The following MFSD12 variants were observed in gnomAD, a reference collection of about 807,000 sequenced individuals.
MFSD12 encodes major facilitator superfamily domain containing 12.
MFSD12 carries 67 observed loss-of-function variants against 51.2 expected under a neutral mutation model. That is an observed-to-expected ratio of 1.31 (90% CI 1.08 to 1.60). MFSD12 has a LOEUF of 1.60. Ranked by LOEUF, MFSD12 falls within the 40% of genes most tolerant of loss-of-function variation. The pLI, the probability that MFSD12 is intolerant of heterozygous loss-of-function variation, is 0.00. For missense variants in MFSD12, 921 were observed against 673.0 expected (o/e 1.37, Z -4.08); for synonymous variants, 441 against 316.7 (o/e 1.39, Z -4.17).
chr19:3,548,333 G>A, intron 2 of MFSD12, 66 bp from the exon 3 acceptor site: 4 of 1,529,490 alleles, frequency 2.6e-6, no homozygotes, highest in Non-Finnish European at 3.5e-6. Context: ...TCCCCACGTG[G>A]CTACGCCGTC....
intron 1 of MFSD12, among the ~76,000 whole-genome samples, chr19:3,555,400 G>A (rs929880975): frequency 3.9e-5 from 6 of 151,986 alleles, no homozygotes; most frequent in African/African-American, 7.2e-5. Context: ...TGCCCGGCCC[G>A]CCCAGAAATT....
chr19:3,543,933 C>T (rs375213857), downstream of MFSD12: 137 of 1,551,220 alleles, frequency 8.8e-5, no homozygotes, highest in Non-Finnish European at 9.6e-5. Flanking sequence ...CCAGAACTAC[C>T]GGGAGTGGGT....
chr19:3,557,263 C>T lies in MFSD12; in HGVS notation c.141G>A (p.Leu47=). ...GGGAGCTGTAGGCGCGCACCGAGTGCAGGTAGAGCAGCAGGTAGGTGAACC... is the reference window on the plus strand; with the variant it reads ...GGGAGCTGTAGGCGCGCACCGAGTGTAGGTAGAGCAGCAGGTAGGTGAACC... ...SMWFTYLLLY[L]HSVRAYSSRG... is the part of the protein sequence containing the mutation. The change falls in exon 1 of 10, where the codon CTG becomes CTA. Residue 47 remains leucine, a synonymous_variant. Coordinates refer to ENST00000355415, the MANE Select transcript of MFSD12 (RefSeq NM_174983.5). 1 of 1,597,732 alleles carries T rather than the reference C, an allele frequency of 6.3e-7. No homozygotes were observed. Among genetic ancestry groups the T allele is most frequent in the South Asian group, 1.1e-5 (1 of 88,386 alleles).
chr19:3,553,394 A>G (rs1464215620), intron 1 of MFSD12, among the ~76,000 whole-genome samples: 2 of 147,488 alleles, frequency 1.4e-5, no homozygotes, highest in Non-Finnish European at 3.0e-5. Context: ...GACTGCTTGA[A>G]CCCAGGAGGT....
chr19:3,539,442 G>GGGGGCTAC (rs1211192538), downstream of MFSD12: 34 of 585,178 alleles, frequency 5.8e-5, no homozygotes, highest in Non-Finnish European at 1.0e-4. Context: ...CGCTCACTGT[G>GGGGGCTAC]GGGGCTACAG....
chr19:3,542,488 T>C, downstream of MFSD12: 1 of 983,560 alleles, frequency 1.0e-6, no homozygotes, highest in Non-Finnish European at 1.2e-6. Context: ...GTCTTTTTGT[T>C]TTTGAGACAG....
At chr19:3,543,649 G>C, downstream of MFSD12, 1 of 1,543,696 alleles carries the variant, frequency 6.5e-7, no homozygotes, top group Non-Finnish European at 8.7e-7. Context: ...GCGCGCTGTG[G>C]AAAGACAGGC....
chr19:3,547,639 T>G (rs2031184881), intron 4 of MFSD12, 92 bp from the exon 5 acceptor site: 1 of 1,278,570 alleles, frequency 7.8e-7, no homozygotes, highest in South Asian at 1.4e-5. Context: ...GTGGGCGCCC[T>G]GCAGCTGGCA....
chr19:3,544,592 TGGAG>T lies in MFSD12; in HGVS notation c.*114_*117del. On this transcript the variant is annotated 3_prime_UTR_variant, in exon 10 of 10. Transcript: ENST00000355415. Reference sequence around the variant, plus strand: ...CCCACCCCCGGGAGCTGGGTGAGGATGGAGGGTGGGGGTCCAGAGAAGAGTGAGG... The same window carrying T: ...CCCACCCCCGGGAGCTGGGTGAGGATGGTGGGGGTCCAGAGAAGAGTGAGG... 1.4e-6 allele frequency: 2 copies of T among 1,476,756 alleles called. No individual in the cohort carries two copies. Among genetic ancestry groups the T allele is most frequent in the Middle Eastern group, 2.5e-4 (1 of 3,974 alleles). The allele number at this position is 1,476,756 out of a possible 1,614,324, so 91.5% of individuals were successfully genotyped here.
At chr19:3,548,827 C>T (rs180921631) in intron 2 of MFSD12, among the ~76,000 whole-genome samples, 12 of 152,330 alleles carry the variant, frequency 7.9e-5, no homozygotes, top group East Asian at 1.9e-4. Flanking sequence ...GGTCTGGCCC[C>T]GGTCAGATGG....
At chr19:3,538,953 C>T (rs1189745931) in intron 4 of MFSD12, 1 of 639,802 alleles carries the variant, frequency 1.6e-6, no homozygotes, top group African/African-American at 1.8e-5. Context: ...GGCTCAGGGC[C>T]ACGGACCCCA....
At chr19:3,543,453 G>GT (rs759075620), downstream of MFSD12, 1 of 1,543,700 alleles carries the variant, frequency 6.5e-7, no homozygotes. Context: ...TACCAACACC[G>GT]TGAGTGCAGC....
downstream of MFSD12, chr19:3,543,912 C>T (rs1359689438): frequency 1.9e-6 from 3 of 1,551,194 alleles, no homozygotes; most frequent in Middle Eastern, 1.7e-4. Context: ...CCAGCGCCCG[C>T]CCGGCACCAC....
At chr19:3,548,943 TGATACACAGGC>T (rs144352964) in intron 2 of MFSD12, among the ~76,000 whole-genome samples, 8,739 of 152,068 alleles carry the variant, frequency 0.057, 665 homozygotes, top group African/African-American at 0.18. Context: ...GAGGAGCTGG[TGATACACAGGC>T]AGATGTGGAG....
downstream of MFSD12, chr19:3,543,188 A>G: frequency 1.3e-6 from 2 of 1,528,064 alleles, no homozygotes; most frequent in Non-Finnish European, 1.8e-6. Context: ...GGGTCAAAGC[A>G]CTCGCTGTAG....
downstream of MFSD12, chr19:3,543,734 A>G (rs978795786): frequency 2.3e-5 from 34 of 1,494,576 alleles, no homozygotes; most frequent in Admixed American, 7.2e-4. Flanking sequence ...AAGGCCACCT[A>G]GGCCAGGGTG....
chr19:3,551,077 T>C lies in MFSD12; in HGVS notation c.416A>G (p.Gln139Arg). The change falls in exon 2 of 10, where the codon CAG becomes CGG. Residue 139 changes from glutamine to arginine, a missense_variant. Transcript: ENST00000355415. The surrounding 1 kb of genome is among the most constrained non-coding windows in gnomAD (Gnocchi z 4.6). ...LYYGPFIVIF[Q>R]FGWASTQISH... ...GATCTGTGTGGAGGCCCAGCCAAAC[T>C]GGAAGATCACGATGAACGGGCCGTA... The C allele has an allele frequency of 6.2e-7, 1 of 1,612,964 alleles. No homozygotes were observed. Among genetic ancestry groups the C allele is most frequent in the Non-Finnish European group, 8.5e-7 (1 of 1,179,956 alleles).
chr19:3,547,976 G>A lies in MFSD12; in HGVS notation c.709C>T (p.Leu237=), dbSNP rs1372345820. Residue 237 remains leucine, a synonymous_variant, in exon 4 of 10, where the codon CTG becomes TTG. Coordinates refer to ENST00000355415, the MANE Select transcript of MFSD12 (RefSeq NM_174983.5). ...VGAVFSLLFH[L]GTRERRRPHA... The stretch of plus-strand genomic sequence containing the variant: ...GGCCGGCGCCTCTCCCGGGTGCCCA[G>A]GTGGAATAGCAGTGAGAACACGGCG... 1.3e-6 allele frequency: 2 copies of A among 1,598,432 alleles called. No individual in the cohort carries two copies. Among genetic ancestry groups the A allele is most frequent in the South Asian group, 2.2e-5 (2 of 90,884 alleles).
At position 3,546,441 on chromosome 19, in the gene MFSD12, C is replaced by T. The variant is rs753666069; in HGVS notation, c.1024-16G>A. 129 of 1,594,002 alleles carry T rather than the reference C, an allele frequency of 8.1e-5. No homozygotes were observed. In the Admixed American group the frequency reaches 1.6e-3, roughly 20 times the overall value. ...AGTAGGTCATCTGCAGGGACAGCCC[C>T]GGGGTCAGGCCCACACCACTGGGTG... On this transcript the variant is annotated splice_polypyrimidine_tract_variant and intron_variant, in intron 6 of 9. Transcript: ENST00000355415.
Sources: gnomAD v4.1 joint callset for allele counts (sites outside exome capture counted in the v4.1 genomes callset) on GRCh38, gnomAD v4.1.1 for gene constraint, Gnocchi (gnomAD v3.1) non-coding constraint, MANE v1.5 for transcripts, NCBI Gene and HGNC (gene_info 2026-07-23, HGNC 2026-07-21) for gene names.